Variants in HDAC4 observed in about 807,000 individuals in gnomAD.
The protein encoded by HDAC4 is histone deacetylase 4, also known as histone deacetylase A.
HDAC4 carries 16 observed loss-of-function variants against 135.1 expected under a neutral mutation model. The ratio of observed to expected loss-of-function variants is 0.12; its 90% CI spans 0.08 to 0.18. HDAC4 has a LOEUF of 0.18. Among genes scored for constraint, HDAC4 ranks in the 10% least tolerant of loss-of-function variants. The pLI, the probability that HDAC4 is intolerant of heterozygous loss-of-function variation, is 1.00. For missense variants in HDAC4, 1,143 were observed against 1,511.8 expected (o/e 0.76, Z 4.05); for synonymous variants, 685 against 653.4 (o/e 1.05, Z -0.74).
intron 5 of HDAC4, among the ~76,000 whole-genome samples, chr2:239,164,756 C>T (rs1007187363): frequency 9.2e-5 from 14 of 152,210 alleles, no homozygotes; most frequent in Non-Finnish European, 2.1e-4. Flanking sequence ...AACCACTTCC[C>T]GACTGGGAGA....
At position 239,143,944 on chromosome 2, in the gene HDAC4, G is replaced by A. The variant is rs141505316; in HGVS notation, c.865+639C>T. ...GATTTCAGGAGTGGTGGGGTGAGGG[G>A]TGTACCCTGGTGGTGGTTGGGAATG... On this transcript the variant is annotated intron_variant, in intron 8 of 26. Transcript: ENST00000543185. 2.9e-3 allele frequency among the ~76,000 whole-genome samples: 437 copies of A among 152,332 alleles called. 1 individual carries two copies. The highest frequency in any genetic ancestry group is 0.01 in the African/African-American group (418 of 41,572).
intron 1 of HDAC4, among the ~76,000 whole-genome samples, chr2:239,377,707 C>T (rs1460061132): frequency 6.6e-6 from 1 of 152,308 alleles, no homozygotes; most frequent in Admixed American, 6.5e-5. Context: ...TGGCTGGGAC[C>T]AGTATTATGT....
At chr2:239,391,297 T>C (rs890076477) in intron 1 of HDAC4, among the ~76,000 whole-genome samples, 5 of 152,212 alleles carry the variant, frequency 3.3e-5, no homozygotes, top group Non-Finnish European at 7.3e-5. Context: ...ACACAGTCCC[T>C]GCAAGGACAA....
At chr2:239,381,617 G>A (rs925736) in intron 1 of HDAC4, among the ~76,000 whole-genome samples, 104,930 of 152,152 alleles carry the variant, frequency 0.69, 37,131 homozygotes, top group East Asian at 0.93. Context: ...GGGCAAATGC[G>A]GTGCCATTTA....
At chr2:239,061,362 CTG>C (rs1187680798) in intron 24 of HDAC4, among the ~76,000 whole-genome samples, 10 of 147,142 alleles carry the variant, frequency 6.8e-5, no homozygotes, top group South Asian at 2.2e-4. Context: ...ATGTGTGAGA[CTG>C]TGGTACCTGT....
intron 15 of HDAC4, among the ~76,000 whole-genome samples, chr2:239,107,516 T>G (rs922264760): frequency 6.6e-6 from 1 of 152,228 alleles, no homozygotes; most frequent in African/African-American, 2.4e-5. Flanking sequence ...CACGACCCAC[T>G]GCCTCGCCAG....
At chr2:239,358,599 C>T (rs982032437) in intron 1 of HDAC4, among the ~76,000 whole-genome samples, 1 of 152,120 alleles carries the variant, frequency 6.6e-6, no homozygotes, top group Non-Finnish European at 1.5e-5. Flanking sequence ...AGGCAGCGCG[C>T]GTAGGGACTC....
At chr2:239,311,596 G>C (rs1210462817) in intron 2 of HDAC4, among the ~76,000 whole-genome samples, 1 of 152,174 alleles carries the variant, frequency 6.6e-6, no homozygotes, top group African/African-American at 2.4e-5. Context: ...TCATGGGTGA[G>C]GGGGAGAGGG....
chr2:239,204,752 C>A (rs1390790923), intron 3 of HDAC4, among the ~76,000 whole-genome samples: 3 of 152,162 alleles, frequency 2.0e-5, no homozygotes, highest in Non-Finnish European at 4.4e-5. Context: ...AACCCTGCAT[C>A]CAACCCTCCA....
chr2:239,102,031 C>T (rs574230689), intron 16 of HDAC4, among the ~76,000 whole-genome samples: 83 of 94,950 alleles, frequency 8.7e-4, no homozygotes, highest in African/African-American at 2.8e-3. Flanking sequence ...GCCCCGGGTC[C>T]ACGTTCTGTG....
chr2:239,187,231 C>T (rs1037203104), intron 4 of HDAC4: 3 of 152,676 alleles, frequency 2.0e-5, no homozygotes, highest in Admixed American at 1.3e-4. Flanking sequence ...GACCAATGGC[C>T]GACGGGGGCT....
chr2:239,137,290 A>G (rs2041031085), intron 9 of HDAC4, among the ~76,000 whole-genome samples: 1 of 152,198 alleles, frequency 6.6e-6, no homozygotes, highest in Non-Finnish European at 1.5e-5. Flanking sequence ...GCTCAGAGGG[A>G]AAGTCCGCGG....
intron 2 of HDAC4, chr2:239,298,718 C>T (rs72992617): frequency 0.073 from 45,550 of 624,430 alleles, 2,842 homozygotes; most frequent in East Asian, 0.42. Flanking sequence ...CCTACAGGGG[C>T]TAGGCTAGAA....
At chr2:239,241,036 C>T (rs1267299947) in intron 2 of HDAC4, among the ~76,000 whole-genome samples, 1 of 152,212 alleles carries the variant, frequency 6.6e-6, no homozygotes, top group East Asian at 1.9e-4. Context: ...GCCTCAAGGG[C>T]TGTGCAGTTT....
chr2:239,052,952 GCTT>G lies in HDAC4; in HGVS notation c.*142_*144del. ...ACCTGTGGGCCTGGGCGGCAGAAAG[GCTT>G]CCCGTGGCTGTTGCACGCTGGGTGT... On this transcript the variant is annotated 3_prime_UTR_variant, in exon 27 of 27. Coordinates refer to ENST00000543185, the MANE Select transcript of HDAC4 (RefSeq NM_001378414.1). The G allele has an allele frequency of 1.1e-6, 1 of 930,158 alleles. No individual in the cohort carries two copies. The highest frequency in any genetic ancestry group is 2.4e-5 in the East Asian group (1 of 40,848). 57.6% of individuals were successfully genotyped at this position (930,158 alleles called of 1,614,324 possible).
At chr2:239,058,941 C>T (rs777139672) in intron 24 of HDAC4, among the ~76,000 whole-genome samples, 19 of 152,238 alleles carry the variant, frequency 1.2e-4, no homozygotes, top group Non-Finnish European at 1.8e-4. Context: ...AATGTCTCTG[C>T]AGGCTGACCA....
At chr2:239,350,925 C>G (rs538110403) in intron 2 of HDAC4, among the ~76,000 whole-genome samples, 2 of 152,122 alleles carry the variant, frequency 1.3e-5, no homozygotes, top group African/African-American at 4.8e-5. Flanking sequence ...ATGTGTACAC[C>G]AAGTCATACA....
intron 2 of HDAC4, among the ~76,000 whole-genome samples, chr2:239,293,249 G>T (rs573791923): frequency 6.6e-6 from 1 of 152,326 alleles, no homozygotes; most frequent in South Asian, 2.1e-4. Flanking sequence ...GATCCCAGCT[G>T]GCTTCTCTAC....
intron 2 of HDAC4, among the ~76,000 whole-genome samples, chr2:239,291,804 C>G (rs1277910210): frequency 6.6e-6 from 1 of 152,206 alleles, no homozygotes; most frequent in Non-Finnish European, 1.5e-5. Context: ...TGTCCACCAT[C>G]GCCTTCTAGA....
Sources: allele counts gnomAD v4.1 joint callset (sites outside exome capture counted in the v4.1 genomes callset), GRCh38; gene constraint gnomAD v4.1.1; transcripts MANE v1.5; gene names NCBI Gene and HGNC (gene_info 2026-07-23, HGNC 2026-07-21).